Variants in NCAM1 observed in about 807,000 individuals in gnomAD.
The protein encoded by NCAM1 is neural cell adhesion molecule 1.
In NCAM1, 14 loss-of-function variants were observed where a neutral mutation model predicts 109.8. The observed-to-expected ratio is 0.13, with a 90% CI of 0.08 to 0.20. NCAM1 has a LOEUF of 0.20. Among genes scored for constraint, NCAM1 ranks in the 10% least tolerant of loss-of-function variants. The pLI, the probability that NCAM1 is intolerant of heterozygous loss-of-function variation, is 1.00. For missense variants in NCAM1, 774 were observed against 1,109.9 expected, an observed-to-expected ratio of 0.70 and a Z score of 4.30; for synonymous variants, 418 against 442.9, an observed-to-expected ratio of 0.94 and a Z score of 0.70.
At position 113,206,067 on chromosome 11, in the gene NCAM1, A is replaced by G; in HGVS notation, c.515A>G (p.Asn172Ser). The change falls in exon 5 of 20, where the codon AAC (asparagine) becomes AGC (serine). Residue 172 changes from asparagine to serine, a missense_variant. Asn to Ser is a conservative substitution (Grantham distance 46). This residue lies in a region of NCAM1 where 523 missense variants were observed against 784.2 expected (regional missense o/e 0.67). Transcript: ENST00000316851. ...GTCCGATTCATAGTCCTGTCCAACAACTACCTGCAGATCCGGGGCATCAAG... is the reference window on the plus strand; with the variant it reads ...GTCCGATTCATAGTCCTGTCCAACAGCTACCTGCAGATCCGGGGCATCAAG... ...KDVRFIVLSNNYLQIRGIKKT... is the reference protein window; with the variant it reads ...KDVRFIVLSNSYLQIRGIKKT... 3.1e-6 allele frequency: 5 copies of G among 1,613,964 alleles called. No individual in the cohort carries two copies. The highest frequency in any genetic ancestry group is 4.2e-6 in the Non-Finnish European group (5 of 1,179,878).
chr11:113,225,988 G>T (rs952586895), intron 9 of NCAM1, among the ~76,000 whole-genome samples: 1 of 152,164 alleles, frequency 6.6e-6, no homozygotes, highest in Admixed American at 6.5e-5. Flanking sequence ...ATGCCAAATC[G>T]TAAAGACCAT....
intron 17 of NCAM1, among the ~76,000 whole-genome samples, chr11:113,268,059 A>C (rs1555124659): frequency 2.0e-5 from 3 of 152,230 alleles, no homozygotes; most frequent in Non-Finnish European, 4.4e-5. Context: ...CGGAAGCTGC[A>C]GTGGCCTGGA....
intron 1 of NCAM1, among the ~76,000 whole-genome samples, chr11:113,026,864 G>A (rs956171818): frequency 6.6e-6 from 1 of 152,164 alleles, no homozygotes; most frequent in African/African-American, 2.4e-5. Context: ...GAGTGAGTAG[G>A]CAACTTACCT....
rs1946098986 is a variant in NCAM1, at chr11:113,264,733, ACGTGGC to A, written c.2131+4412_2131+4417del. On this transcript the variant is annotated intron_variant, in intron 17 of 19. Transcript: ENST00000316851. ...CTCGTCCTAAGTGTGGAGAGGACTG[ACGTGGC>A]CCTGTCATCTCAACACATCCCAGGG... The A allele has an allele frequency of 7.1e-6, 7 of 985,248 alleles. No individual in the cohort carries two copies. In the South Asian group the frequency reaches 1.9e-4, roughly 26 times the overall value. The allele number at this position is 985,248 out of a possible 1,614,324, so 61.0% of individuals were successfully genotyped here.
chr11:112,992,028 T>A (rs1396982376), intron 1 of NCAM1, among the ~76,000 whole-genome samples: 1 of 152,172 alleles, frequency 6.6e-6, no homozygotes, highest in Non-Finnish European at 1.5e-5. Context: ...ATTGTAATTA[T>A]GAATATCTCT....
chr11:113,063,069 C>T (rs1358720952), intron 1 of NCAM1, among the ~76,000 whole-genome samples: 6 of 152,222 alleles, frequency 3.9e-5, no homozygotes, highest in African/African-American at 1.4e-4. Context: ...AAGAATCTTG[C>T]AGCCTCCGAA....
At chr11:113,018,823 G>T (rs146564848) in intron 1 of NCAM1, among the ~76,000 whole-genome samples, 226 of 152,106 alleles carry the variant, frequency 1.5e-3, no homozygotes, top group African/African-American at 4.8e-3. Flanking sequence ...AAAATTGCTA[G>T]GTGGTTTAGT....
Position 113,124,579 on chromosome 11 carries a change from G to A in NCAM1, c.53-77800G>A, listed in dbSNP as rs200702865. 1.9e-4 allele frequency among the ~76,000 whole-genome samples: 29 copies of A among 152,248 alleles called. No individual in the cohort carries two copies. In the East Asian group the frequency reaches 4.6e-3, roughly 24 times the overall value. On this transcript the variant is annotated intron_variant, in intron 1 of 19. Coordinates refer to ENST00000316851, the MANE Select transcript of NCAM1 (RefSeq NM_181351.5). ...CTGAATTCTTTGCTTTTAGTCTTGCGGTTCATTACATATGGGAAACTGAGG... is the reference window on the plus strand; with the variant it reads ...CTGAATTCTTTGCTTTTAGTCTTGCAGTTCATTACATATGGGAAACTGAGG...
rs782589694 is a variant in NCAM1, at chr11:112,961,465, C to T, written c.-148C>T. 1 of 779,518 alleles carries T rather than the reference C, an allele frequency of 1.3e-6. No homozygotes were observed. The highest frequency in any genetic ancestry group is 2.4e-6 in the Non-Finnish European group (1 of 420,326). The allele number at this position is 779,518 out of a possible 1,614,324, so 48.3% of individuals were successfully genotyped here. On this transcript the variant is annotated 5_prime_UTR_variant, in exon 1 of 20. Transcript: ENST00000316851. ...GTGAACGCAGCTCGGCTGCCGCTGGCAGGAAACAATTCTGCAAAAATAATC... is the reference window on the plus strand; with the variant it reads ...GTGAACGCAGCTCGGCTGCCGCTGGTAGGAAACAATTCTGCAAAAATAATC...
chr11:113,202,250 C>A, intron 1 of NCAM1, 129 bp from the exon 2 acceptor site: 1 of 935,000 alleles, frequency 1.1e-6, no homozygotes, highest in Non-Finnish European at 1.6e-6. Context: ...TTCTTAAAGT[C>A]AGTTGGGAAG....
intron 1 of NCAM1, among the ~76,000 whole-genome samples, chr11:113,132,269 A>G (rs1230862982): frequency 6.6e-6 from 1 of 152,140 alleles, no homozygotes; most frequent in Non-Finnish European, 1.5e-5. Context: ...CACTGAAATA[A>G]TGTCTGTAAA....
intron 1 of NCAM1, among the ~76,000 whole-genome samples, chr11:113,089,747 G>A (rs533642883): frequency 6.6e-6 from 1 of 152,290 alleles, no homozygotes; most frequent in East Asian, 1.9e-4. Context: ...AACCGGGGAG[G>A]CATTTTGGAA....
chr11:113,036,998 C>A (rs1304352395), intron 1 of NCAM1, among the ~76,000 whole-genome samples: 3 of 152,120 alleles, frequency 2.0e-5, no homozygotes, highest in African/African-American at 7.2e-5. Context: ...TTCTTCTGTA[C>A]CCATGACTTT....
In NCAM1 at chr11:113,169,788, G is replaced by A. The variant is rs148472900; in HGVS notation, c.53-32591G>A. ...GATGATAGGTGCCTGCCACATGTCCGCCTAATTTTTGTACTTTTAGTAAAG... is the reference window on the plus strand; with the variant it reads ...GATGATAGGTGCCTGCCACATGTCCACCTAATTTTTGTACTTTTAGTAAAG... On this transcript the variant is annotated intron_variant, in intron 1 of 19. Transcript: ENST00000316851. Among the ~76,000 whole-genome samples the A allele has an allele frequency of 2.3e-4, 35 of 152,040 alleles. 1 individual carries two copies. The highest frequency in any genetic ancestry group is 6.5e-4 in the African/African-American group (27 of 41,508).
chr11:113,128,914 T>G (rs1458184010), intron 1 of NCAM1, among the ~76,000 whole-genome samples: 66 of 115,816 alleles, frequency 5.7e-4, no homozygotes, highest in Admixed American at 2.6e-3. Context: ...AGGGTGTGTG[T>G]GTGTGTGTGT....
intron 1 of NCAM1, among the ~76,000 whole-genome samples, chr11:113,193,783 A>G (rs1943770192): frequency 6.6e-6 from 1 of 152,112 alleles, no homozygotes; most frequent in Admixed American, 6.5e-5. Flanking sequence ...GAGCCTGGGA[A>G]CCACATAATT....
intron 1 of NCAM1, among the ~76,000 whole-genome samples, chr11:113,095,315 C>CGT (rs147958488): frequency 4.3e-4 from 65 of 151,266 alleles, no homozygotes; most frequent in Middle Eastern, 3.4e-3. Context: ...TAATAGAATG[C>CGT]GTGTGTGTGT....
intron 1 of NCAM1, among the ~76,000 whole-genome samples, chr11:113,144,086 G>A (rs1941928606): frequency 6.6e-6 from 1 of 152,186 alleles, no homozygotes; most frequent in African/African-American, 2.4e-5. Flanking sequence ...AGCTGCCACT[G>A]GACGGTCAAA....
intron 1 of NCAM1, among the ~76,000 whole-genome samples, chr11:113,110,972 T>C (rs1455811679): frequency 1.3e-5 from 2 of 152,172 alleles, no homozygotes; most frequent in Non-Finnish European, 2.9e-5. Flanking sequence ...CACATCCTCA[T>C]CTAATCCCTA....
Sources: allele counts gnomAD v4.1 joint callset (sites outside exome capture counted in the v4.1 genomes callset), GRCh38; gene constraint gnomAD v4.1.1; regional missense constraint gnomAD v4.1.1; transcripts MANE v1.5; gene names NCBI Gene and HGNC (gene_info 2026-07-23, HGNC 2026-07-21).